DNAAF9: variants seen among roughly 807,000 people sequenced by gnomAD.
DNAAF9 encodes shulin.
DNAAF9 carries 90 observed loss-of-function variants against 167.0 expected under a neutral mutation model. The ratio of observed to expected loss-of-function variants is 0.54; its 90% CI spans 0.45 to 0.64. The LOEUF is 0.64. DNAAF9 is among the 30% of genes least tolerant of loss of function. The pLI is 0.00. For missense variants in DNAAF9, 1,315 were observed against 1,442.2 expected (o/e 0.91, Z 1.43); for synonymous variants, 491 against 508.8 (o/e 0.96, Z 0.47).
At chr20:3,337,442 T>TTTG (rs2069983877) in intron 10 of DNAAF9, among the ~76,000 whole-genome samples, 3 of 148,858 alleles carry the variant, frequency 2.0e-5, no homozygotes, top group East Asian at 3.9e-4. Context: ...TTTTTTTTGT[T>TTTG]TTTTTTTTTT....
chr20:3,263,702 C>T (rs1042154711), intron 31 of DNAAF9, among the ~76,000 whole-genome samples: 3 of 152,176 alleles, frequency 2.0e-5, no homozygotes, highest in African/African-American at 7.2e-5. Flanking sequence ...CCTTCTGGGG[C>T]AATGGAAATG....
In DNAAF9 at chr20:3,359,542, T is replaced by C. The variant is rs1044700779; in HGVS notation, c.664A>G (p.Met222Val). The C allele has an allele frequency of 5.6e-6, 9 of 1,612,198 alleles. No homozygotes were observed. The highest frequency in any genetic ancestry group is 1.3e-5 in the African/African-American group (1 of 74,844). ...TCTGAAAGCAAACTCTCCAGAGACA[T>C]AGGATCCATCTTGCTGTAGACATTC... ...LWNVYSKMDP[M>V]SLESLLSDDL... The change falls in exon 7 of 37, where the codon ATG (methionine) becomes GTG (valine). Residue 222 changes from methionine to valine, a missense_variant. Transcript: ENST00000252032.
chr20:3,260,774 C>T (rs952994374), intron 31 of DNAAF9, among the ~76,000 whole-genome samples: 4 of 152,078 alleles, frequency 2.6e-5, no homozygotes, highest in East Asian at 1.9e-4. Flanking sequence ...GGATCACAGG[C>T]GTGTGCGCCA....
chr20:3,298,874 G>A (rs142188107), intron 21 of DNAAF9, among the ~76,000 whole-genome samples: 1 of 141,012 alleles, frequency 7.1e-6, no homozygotes, highest in East Asian at 2.0e-4. Context: ...ATTTTCTCCT[G>A]TATTTTCTTC....
chr20:3,351,558 G>A (rs969088990), intron 7 of DNAAF9, among the ~76,000 whole-genome samples: 1 of 152,096 alleles, frequency 6.6e-6, no homozygotes, highest in East Asian at 1.9e-4. Context: ...ACAGCTAGGG[G>A]GCAGGGGGAC....
chr20:3,402,127 T>C (rs1159046606), intron 1 of DNAAF9, among the ~76,000 whole-genome samples: 1 of 152,226 alleles, frequency 6.6e-6, no homozygotes, highest in East Asian at 1.9e-4. Flanking sequence ...CAAAAGGCAC[T>C]CTTTGCTCCA....
intron 29 of DNAAF9, among the ~76,000 whole-genome samples, chr20:3,272,149 T>C (rs1183019335): frequency 1.3e-5 from 2 of 152,220 alleles, no homozygotes; most frequent in Non-Finnish European, 2.9e-5. Context: ...ATAAGGACTC[T>C]AAACATATTA....
chr20:3,308,989 T>A (rs1031705537), intron 20 of DNAAF9, among the ~76,000 whole-genome samples: 4 of 152,002 alleles, frequency 2.6e-5, no homozygotes, highest in Non-Finnish European at 4.4e-5. Context: ...AAAAGCCCCA[T>A]CTCCAGATAA....
intron 12 of DNAAF9, among the ~76,000 whole-genome samples, chr20:3,328,972 C>A (rs556273482): frequency 6.6e-6 from 1 of 151,500 alleles, no homozygotes; most frequent in South Asian, 2.1e-4. Flanking sequence ...CAGGTTCAAG[C>A]ACTTCTCCTG....
intron 1 of DNAAF9, among the ~76,000 whole-genome samples, chr20:3,389,117 C>T (rs544384613): frequency 2.6e-5 from 4 of 151,662 alleles, no homozygotes; most frequent in South Asian, 2.1e-4. Flanking sequence ...TACAGGCGCC[C>T]GCCACCCAAC....
intron 20 of DNAAF9, among the ~76,000 whole-genome samples, chr20:3,313,557 A>G (rs2069450348): frequency 6.6e-6 from 1 of 152,226 alleles, no homozygotes; most frequent in African/African-American, 2.4e-5. Flanking sequence ...CAGGGAAAGA[A>G]CAGGAGTCAT....
At chr20:3,338,110 A>T (rs905046742) in intron 10 of DNAAF9, among the ~76,000 whole-genome samples, 1 of 150,678 alleles carries the variant, frequency 6.6e-6, no homozygotes. Context: ...ATACACACAC[A>T]CATACATAAA....
chr20:3,376,417 C>G, intron 3 of DNAAF9, 115 bp from the exon 4 acceptor site: 1 of 828,640 alleles, frequency 1.2e-6, no homozygotes, highest in Non-Finnish European at 1.8e-6. Context: ...TGTAACAAAA[C>G]TCTAAACTGA....
At chr20:3,325,883 GT>G (rs11297064) in intron 13 of DNAAF9, among the ~76,000 whole-genome samples, 69,454 of 147,594 alleles carry the variant, frequency 0.47, 15,979 homozygotes, top group East Asian at 0.54. Context: ...TGTCTTTTTG[GT>G]TTTTTTTTTT....
chr20:3,290,028 C>G (rs2068922476), intron 26 of DNAAF9, 101 bp downstream of exon 26: 1 of 744,520 alleles, frequency 1.3e-6, no homozygotes, highest in East Asian at 2.5e-5. Flanking sequence ...CATGCTGATA[C>G]CAGTCCCACC....
rs1600910497 is a variant in DNAAF9, at chr20:3,389,200, C to G, written c.84-6694G>C. Among the ~76,000 whole-genome samples, 7 of 152,198 alleles carry G rather than the reference C, an allele frequency of 4.6e-5. No individual in the cohort carries two copies. The East Asian group carries it at 1.4e-3, about 29-fold the overall frequency. ...TCACTCTGTTGCTCAAGCTGGAGTG[C>G]AGTTGCTTGATCACGACTCACTGCA... On this transcript the variant is annotated intron_variant, in intron 1 of 36. Coordinates refer to ENST00000252032, the MANE Select transcript of DNAAF9 (RefSeq NM_001009984.3).
chr20:3,321,170 C>G (rs2069609153), intron 16 of DNAAF9, among the ~76,000 whole-genome samples: 1 of 152,158 alleles, frequency 6.6e-6, no homozygotes, highest in Non-Finnish European at 1.5e-5. Context: ...AGACCCAGGT[C>G]CCTGTTGATT....
intron 25 of DNAAF9, among the ~76,000 whole-genome samples, chr20:3,293,418 C>G (rs1161128241): frequency 6.7e-6 from 1 of 149,782 alleles, no homozygotes; most frequent in African/African-American, 2.5e-5. Flanking sequence ...GGCACAGTGG[C>G]TCACACCTGT....
At chr20:3,268,172 G>A (rs937450424) in intron 30 of DNAAF9, among the ~76,000 whole-genome samples, 2 of 151,698 alleles carry the variant, frequency 1.3e-5, no homozygotes, top group African/African-American at 4.8e-5. Context: ...GGGATTACAG[G>A]TGCCTGGCAC....
Sources: allele counts gnomAD v4.1 joint callset (sites outside exome capture counted in the v4.1 genomes callset), GRCh38; gene constraint gnomAD v4.1.1; transcripts MANE v1.5; gene names NCBI Gene and HGNC (gene_info 2026-07-23, HGNC 2026-07-21).